CHRM3: variants seen among roughly 807,000 people sequenced by gnomAD.
The protein encoded by CHRM3 is cholinergic receptor muscarinic 3, also known as muscarinic acetylcholine receptor M3.
Under a neutral mutation model 41.8 loss-of-function variants are expected in CHRM3, and 11 were observed. That is an observed-to-expected ratio of 0.26 (90% CI 0.17 to 0.44). The LOEUF is 0.44. Ranked by LOEUF, CHRM3 falls within the 20% of genes least tolerant of loss-of-function variation. The pLI, the probability that CHRM3 is intolerant of heterozygous loss-of-function variation, is 1.00. For synonymous variants in CHRM3, 297 were observed against 301.4 expected, an observed-to-expected ratio of 0.99 and a Z score of 0.15; for missense variants, 571 against 745.4, an observed-to-expected ratio of 0.77 and a Z score of 2.72.
At chr1:239,553,911 CAG>C (rs1311392706) in intron 3 of CHRM3, among the ~76,000 whole-genome samples, 4 of 152,096 alleles carry the variant, frequency 2.6e-5, no homozygotes, top group Non-Finnish European at 4.4e-5. Flanking sequence ...TTTTTTGAAG[CAG>C]AGTCTCACTC....
At chr1:239,690,028 G>C (rs915928753) in intron 5 of CHRM3, among the ~76,000 whole-genome samples, 1 of 146,942 alleles carries the variant, frequency 6.8e-6, no homozygotes, top group Non-Finnish European at 1.5e-5. Flanking sequence ...CAGAGAGAGA[G>C]AGACAGAGAG....
intron 2 of CHRM3, among the ~76,000 whole-genome samples, chr1:239,509,916 C>T (rs577769611): frequency 3.9e-5 from 6 of 152,178 alleles, no homozygotes; most frequent in South Asian, 2.1e-4. Context: ...GGCGAAACCC[C>T]GTCTCTATTA....
intron 2 of CHRM3, among the ~76,000 whole-genome samples, chr1:239,539,124 G>T (rs1449726649): frequency 6.6e-6 from 1 of 152,122 alleles, no homozygotes; most frequent in Non-Finnish European, 1.5e-5. Context: ...AACTGCTGTG[G>T]GGAAGAAAAG....
intron 5 of CHRM3, among the ~76,000 whole-genome samples, chr1:239,816,366 C>T (rs1261102761): frequency 2.0e-5 from 3 of 152,142 alleles, no homozygotes; most frequent in African/African-American, 2.4e-5. Context: ...TTTAAATCTA[C>T]GTAATCCTGT....
intron 5 of CHRM3, among the ~76,000 whole-genome samples, chr1:239,692,941 G>A (rs897520407): frequency 6.6e-5 from 10 of 152,106 alleles, no homozygotes; most frequent in African/African-American, 2.2e-4. Context: ...CTGACCTTAC[G>A]TTGATTCTTT....
At chr1:239,700,146 T>G (rs910190525) in intron 5 of CHRM3, among the ~76,000 whole-genome samples, 3 of 152,200 alleles carry the variant, frequency 2.0e-5, no homozygotes, top group Admixed American at 6.5e-5. Context: ...CTGGACTCTT[T>G]GCTCATCAAC....
intron 5 of CHRM3, among the ~76,000 whole-genome samples, chr1:239,743,788 C>CTTTTTTTTTTTTTTTTTTT (rs10718514): frequency 1.7e-4 from 14 of 81,204 alleles, no homozygotes; most frequent in Admixed American, 3.0e-4. Context: ...TTTTTTTTTT[C>CTTTTTTTTTTTTTTTTTTT]TTTTTTTTTT....
chr1:239,794,211 G>A (rs982924214), intron 5 of CHRM3, among the ~76,000 whole-genome samples: 4 of 152,066 alleles, frequency 2.6e-5, no homozygotes, highest in African/African-American at 9.7e-5. Flanking sequence ...TGATATATCA[G>A]CTAGTAGCTC....
rs902300220 is a variant in CHRM3 at position 239,911,499 on chromosome 1, T to C, written c.*2275T>C. 1 of 166,944 alleles carries C rather than the reference T, an allele frequency of 6.0e-6. No individual in the cohort carries two copies. The highest frequency in any genetic ancestry group is 1.5e-5 in the Non-Finnish European group (1 of 68,102). The allele number at this position is 166,944 out of a possible 1,614,324, so 10.3% of individuals were successfully genotyped here. On this transcript the variant is annotated 3_prime_UTR_variant, in exon 7 of 7. Coordinates refer to ENST00000676153, the MANE Select transcript of CHRM3 (RefSeq NM_001375978.1). ...CAGTACTTCAGCACTTCCCATCCTT[T>C]TGGAAACTCCTATCTTGCCTCCCTC...
intron 6 of CHRM3, among the ~76,000 whole-genome samples, chr1:239,853,314 G>C (rs1191215529): frequency 4.6e-5 from 7 of 151,836 alleles, no homozygotes; most frequent in African/African-American, 1.7e-4. Flanking sequence ...GTCAAATTCT[G>C]TTGTAAATGT....
chr1:239,580,307 CAT>C (rs1662757956), intron 3 of CHRM3, among the ~76,000 whole-genome samples: 2 of 113,374 alleles, frequency 1.8e-5, no homozygotes, highest in Admixed American at 8.8e-5. Context: ...CACACACACA[CAT>C]CAAAAATTGA....
chr1:239,743,383 A>G (rs910214864), intron 5 of CHRM3, among the ~76,000 whole-genome samples: 2 of 152,316 alleles, frequency 1.3e-5, no homozygotes, highest in Admixed American at 1.3e-4. Flanking sequence ...ACAGTGCTCA[A>G]TTCATGCTCC....
At chr1:239,648,935 AG>A (rs1362702131) in intron 4 of CHRM3, among the ~76,000 whole-genome samples, 7 of 152,290 alleles carry the variant, frequency 4.6e-5, no homozygotes, top group African/African-American at 1.7e-4. Flanking sequence ...ATATATCCAT[AG>A]TCTTATTGAG....
chr1:239,859,819 T>TTATATACATATA (rs1675468121), intron 6 of CHRM3, among the ~76,000 whole-genome samples: 2 of 131,424 alleles, frequency 1.5e-5, no homozygotes, highest in African/African-American at 6.1e-5. Flanking sequence ...TCTAAGTGTT[T>TTATATACATATA]TATATATATA....
chr1:239,459,206 T>C (rs958212072), intron 1 of CHRM3, among the ~76,000 whole-genome samples: 4 of 152,162 alleles, frequency 2.6e-5, no homozygotes, highest in Non-Finnish European at 5.9e-5. Context: ...GAGTCCTTTT[T>C]GTCCCTAAAT....
chr1:239,470,533 A>G (rs918276200), intron 1 of CHRM3, among the ~76,000 whole-genome samples: 2 of 152,170 alleles, frequency 1.3e-5, no homozygotes, highest in East Asian at 3.9e-4. Flanking sequence ...AGCAACCCAG[A>G]ATTGTGGAGG....
At chr1:239,605,477 C>T (rs1666135248) in intron 3 of CHRM3, among the ~76,000 whole-genome samples, 1 of 152,052 alleles carries the variant, frequency 6.6e-6, no homozygotes. Flanking sequence ...GAGGAAATCA[C>T]CTAATAGCAC....
intron 5 of CHRM3, among the ~76,000 whole-genome samples, chr1:239,782,344 G>T (rs1238034185): frequency 6.6e-6 from 1 of 152,044 alleles, no homozygotes; most frequent in East Asian, 1.9e-4. Context: ...TTGGCAGCTT[G>T]TAGCTTTCAA....
intron 1 of CHRM3, among the ~76,000 whole-genome samples, chr1:239,395,487 G>A (rs1261667986): frequency 6.6e-6 from 1 of 151,984 alleles, no homozygotes; most frequent in East Asian, 1.9e-4. Flanking sequence ...ATTTAGCCAG[G>A]TACCGAATTC....
Sources: gnomAD v4.1 joint callset for allele counts (sites outside exome capture counted in the v4.1 genomes callset) on GRCh38, gnomAD v4.1.1 for gene constraint, MANE v1.5 for transcripts, NCBI Gene and HGNC (gene_info 2026-07-23, HGNC 2026-07-21) for gene names.